Variants in CD248 observed in about 807,000 individuals in gnomAD.
CD248 encodes CD248 molecule.
CD248 carries 7 observed loss-of-function variants against 8.0 expected under a neutral mutation model. The ratio of observed to expected loss-of-function variants is 0.88; its 90% confidence interval spans 0.50 to 1.64. The LOEUF (loss-of-function observed/expected upper bound fraction) is 1.64. CD248 is among the 40% of genes most tolerant of loss of function. The pLI, the probability that CD248 is intolerant of heterozygous loss-of-function variation, is 0.00. For missense variants in CD248, 912 were observed against 1,027.2 expected (o/e 0.89, Z 1.53); for synonymous variants, 418 against 437.1 (o/e 0.96, Z 0.54).
rs151292327 is a variant in CD248 at position 66,316,655 on chromosome 11, G to A, written c.373C>T (p.Pro125Ser). 5 of 1,605,658 alleles carry A rather than the reference G, an allele frequency of 3.1e-6. No individual in the cohort carries two copies. In the African/African-American group the frequency reaches 6.7e-5, roughly 21 times the overall value. The change falls in exon 1 of 1, where the codon CCC becomes TCC. Residue 125 changes from proline (P) to serine (S), a missense_variant. By Grantham distance (74) the Pro-to-Ser change is moderately conservative. Coordinates refer to ENST00000311330, the MANE Select transcript of CD248 (RefSeq NM_020404.3). ...TNWAQPASGG[P>S]CPAQRCVALE... is the part of the protein sequence containing the mutation. ...GCCACACAGCGCTGGGCCGGGCAGG[G>A]GCCTCCAGAGGCTGGCTGGGCCCAG...
rs768029948 is a variant in CD248, at chr11:66,315,732, C to T, written c.1296G>A (p.Pro432=). 1.4e-5 allele frequency: 22 copies of T among 1,610,038 alleles called. No individual in the cohort carries two copies. Among genetic ancestry groups the T allele is most frequent in the Admixed American group, 5.0e-5 (3 of 59,880 alleles). Residue 432 remains proline (P), a synonymous_variant, in exon 1 of 1, where the codon CCG becomes CCA. Coordinates refer to ENST00000311330, the MANE Select transcript of CD248 (RefSeq NM_020404.3). The surrounding 1 kb of genome is among the most constrained non-coding windows in gnomAD (Gnocchi z 4.3). ...IPYPEPTWPP[P]LSAPRVPYHS... ...GGTAGGGGACCCTGGGGGCACTGAGCGGGGGTGGCCAGGTGGGCTCCGGGT... is the reference window on the plus strand; with the variant it reads ...GGTAGGGGACCCTGGGGGCACTGAGTGGGGGTGGCCAGGTGGGCTCCGGGT...
In CD248 at chr11:66,314,741, G is replaced by C. The variant is rs949201887; in HGVS notation, c.*13C>G. The C allele has an allele frequency of 1.3e-6, 2 of 1,544,202 alleles. No homozygotes were observed. Among genetic ancestry groups the C allele is most frequent in the African/African-American group, 1.4e-5 (1 of 73,026 alleles). ...CCAGCGCCCCATACTCCATGAGGGG[G>C]GTCTGCACCCCATCACACGCTGGTT... On this transcript the variant is annotated 3_prime_UTR_variant, in exon 1 of 1. Transcript: ENST00000311330. The surrounding 1 kb of genome is among the most constrained non-coding windows in gnomAD (Gnocchi z 4.0).
chr11:66,315,845 T>C lies in CD248; in HGVS notation c.1183A>G (p.Ile395Val), dbSNP rs1854540930. ...FNGGWTEMPG[I>V]LWMEPTQPPD... The stretch of plus-strand genomic sequence containing the variant: ...GGCTGCGTAGGCTCCATCCACAGGA[T>C]CCCAGGCATCTCCGTCCAGCCACCG... The change falls in exon 1 of 1, where the codon ATC becomes GTC. Residue 395 changes from isoleucine (I) to valine (V), a missense_variant. Around this residue, in one of 3 missense-constraint regions of CD248, gnomAD observed 507 missense variants for 562.2 expected, o/e 0.90. Transcript: ENST00000311330. This position sits in a 1 kb window ranked among gnomAD's most constrained non-coding sequence, Gnocchi z 4.3. 6.2e-7 allele frequency: 1 copy of C among 1,613,930 alleles called. No homozygotes were observed. The highest frequency in any genetic ancestry group is 8.5e-7 in the Non-Finnish European group (1 of 1,179,958).
Position 66,316,871 on chromosome 11 carries a change from C to T in CD248, c.157G>A (p.Glu53Lys), listed in dbSNP as rs769023822. Residue 53 changes from glutamate (E) to lysine (K), a missense_variant, in exon 1 of 1, where the codon GAG becomes AAG. Physicochemically the swap from Glu to Lys is moderately conservative, Grantham distance 56. This residue lies in a region of CD248 where 403 missense variants were observed against 446.2 expected (regional missense o/e 0.90). Coordinates refer to ENST00000311330, the MANE Select transcript of CD248 (RefSeq NM_020404.3). ...GGAGTGGCCAGGTCGCCCCCCAGCT[C>T]GCGGCAGGCCCGCCAGGCCTCCAGG... The part of the protein sequence containing the change: ...TFLEAWRACR[E>K]LGGDLATPRT... 2.0e-5 allele frequency: 31 copies of T among 1,546,446 alleles called. No individual in the cohort carries two copies. The South Asian group carries it at 2.5e-4, about 12-fold the overall frequency.
Position 66,315,143 on chromosome 11 carries a change from G to T in CD248, c.1885C>A (p.Gln629Lys). Residue 629 changes from glutamine to lysine, a missense_variant, in exon 1 of 1, where the codon CAG becomes AAG. By Grantham distance (53) the Gln-to-Lys change is moderately conservative. Around this residue, in one of 3 missense-constraint regions of CD248, gnomAD observed 507 missense variants for 562.2 expected, o/e 0.90. Coordinates refer to ENST00000311330, the MANE Select transcript of CD248 (RefSeq NM_020404.3). The surrounding 1 kb of genome is among the most constrained non-coding windows in gnomAD (Gnocchi z 4.3). ...TLLPSQSPTNQTSPISPTHPH... is the reference protein window; with the variant it reads ...TLLPSQSPTNKTSPISPTHPH... ...TGTGTAGGGCTGATGGGTGAGGTCT[G>T]GTTAGTGGGGCTCTGAGAGGGCAGG... The T allele has an allele frequency of 3.9e-6, 6 of 1,532,892 alleles. No individual in the cohort carries two copies. Among genetic ancestry groups the T allele is most frequent in the Non-Finnish European group, 5.3e-6 (6 of 1,141,478 alleles). 95.0% of individuals were successfully genotyped at this position (1,532,892 alleles called of 1,614,324 possible).
Position 66,315,276 on chromosome 11 carries a change from A to T in CD248, c.1752T>A (p.Ile584=), listed in dbSNP as rs748468011. Reference sequence around the variant, plus strand: ...TCAGAGAGGGCTGGGCAGTTGGGATAATGGGAAGCTGGGTGGCCTGGGTTC... The same window carrying T: ...TCAGAGAGGGCTGGGCAGTTGGGATTATGGGAAGCTGGGTGGCCTGGGTTC... The part of the protein sequence containing the change: ...VLRTQATQLP[I]IPTAQPSLTT... Residue 584 remains isoleucine (I), a synonymous_variant, in exon 1 of 1, where the codon ATT becomes ATA. Coordinates refer to ENST00000311330, the MANE Select transcript of CD248 (RefSeq NM_020404.3). This position sits in a 1 kb window ranked among gnomAD's most constrained non-coding sequence, Gnocchi z 4.3. 1 of 1,540,580 alleles carries T rather than the reference A, an allele frequency of 6.5e-7. No individual in the cohort carries two copies. Among genetic ancestry groups the T allele is most frequent in the Admixed American group, 2.0e-5 (1 of 50,008 alleles).
Position 66,316,501 on chromosome 11 carries a change from G to A in CD248, c.527C>T (p.Pro176Leu). The A allele has an allele frequency of 6.3e-7, 1 of 1,596,616 alleles. No homozygotes were observed. The highest frequency in any genetic ancestry group is 8.5e-7 in the Non-Finnish European group (1 of 1,178,584). The change falls in exon 1 of 1, where the codon CCA (proline) becomes CTA (leucine). Residue 176 changes from proline (P) to leucine (L), a missense_variant. Pro to Leu is a moderately conservative substitution (Grantham distance 98, BLOSUM62 -3). Coordinates refer to ENST00000311330, the MANE Select transcript of CD248 (RefSeq NM_020404.3). ...ALQDEAGQAG[P>L]AVYTTPFHLV... ...GTGGAAGGGCGTGGTATACACGGCT[G>A]GGCCGGCCTGGCCCGCCTCATCTTG...
rs375088730 is a variant in CD248 at position 66,316,614 on chromosome 11, G to A, written c.414C>T (p.Gly138=). Residue 138 remains glycine, a synonymous_variant, in exon 1 of 1, where the codon GGC becomes GGT. Coordinates refer to ENST00000311330, the MANE Select transcript of CD248 (RefSeq NM_020404.3). ...AQRCVALEAS[G]EHRWLEGSCT... The stretch of plus-strand genomic sequence containing the variant: ...ACGAGCCCTCCAGCCAGCGGTGCTC[G>A]CCACTTGCCTCCAGGGCCACACAGC... 2.3e-5 allele frequency: 37 copies of A among 1,602,234 alleles called. No homozygotes were observed. The African/African-American group carries it at 3.5e-4, about 15-fold the overall frequency.
rs745980622 is a variant in CD248, at chr11:66,316,260, G to A, written c.768C>T (p.Cys256=). 3 of 1,613,534 alleles carry A rather than the reference G, an allele frequency of 1.9e-6. No homozygotes were observed. The East Asian group carries it at 6.7e-5, about 36-fold the overall frequency. The part of the protein sequence containing the change: ...CVEEVDGHVS[C]RCTEGFRLAA... The stretch of plus-strand genomic sequence containing the variant: ...CCAGCCGGAAGCCCTCAGTGCAGCG[G>A]CAGGACACGTGACCATCCACCTCCT... Residue 256 remains cysteine (C), a synonymous_variant, in exon 1 of 1, where the codon TGC becomes TGT. Transcript: ENST00000311330.
chr11:66,315,576 C>T lies in CD248; in HGVS notation c.1452G>A (p.Val484=), dbSNP rs969845542. 1 of 1,613,902 alleles carries T rather than the reference C, an allele frequency of 6.2e-7. No homozygotes were observed. Among genetic ancestry groups the T allele is most frequent in the Admixed American group, 1.7e-5 (1 of 60,010 alleles). The part of the protein sequence containing the change: ...PALSRDHQIP[V]IAANYPDLPS... ...GCAGATCTGGATAGTTGGCTGCGATCACGGGGATCTGGTGGTCACGGGACA... is the reference window on the plus strand; with the variant it reads ...GCAGATCTGGATAGTTGGCTGCGATTACGGGGATCTGGTGGTCACGGGACA... Residue 484 remains valine, a synonymous_variant, in exon 1 of 1, where the codon GTG becomes GTA. Coordinates refer to ENST00000311330, the MANE Select transcript of CD248 (RefSeq NM_020404.3). The surrounding 1 kb of genome is among the most constrained non-coding windows in gnomAD (Gnocchi z 4.3).
At position 66,316,327 on chromosome 11, in the gene CD248, C is replaced by T; in HGVS notation, c.701G>A (p.Gly234Asp). 6.2e-7 allele frequency: 1 copy of T among 1,612,928 alleles called. No individual in the cohort carries two copies. Among genetic ancestry groups the T allele is most frequent in the Non-Finnish European group, 8.5e-7 (1 of 1,179,760 alleles). The change falls in exon 1 of 1, where the codon GGC becomes GAC. Residue 234 changes from glycine to aspartate, a missense_variant. Physicochemically the swap from Gly to Asp is moderately conservative, Grantham distance 94. Transcript: ENST00000311330. ...GCAGCCCCCGTTGTCAGGGCTGCAG[C>T]CAGTCCCCAGGCACAGGGGCCCAGC... Reference protein sequence around the residue: ...SRAGPLCLGTGCSPDNGGCEH... With the variant: ...SRAGPLCLGTDCSPDNGGCEH...
In CD248 at chr11:66,315,088, C is replaced by A; in HGVS notation, c.1940G>T (p.Arg647Met). ...HPHSKAPQIPREDGPSPKLAL... is the reference protein window; with the variant it reads ...HPHSKAPQIPMEDGPSPKLAL... ...CAACTTGGGACTGGGGCCATCTTCC[C>A]TTGGGATTTGGGGGGCTTTGGAATG... is the stretch of plus-strand genomic sequence containing the variant. The change falls in exon 1 of 1, where the codon AGG becomes ATG. Residue 647 changes from arginine to methionine, a missense_variant. Arg to Met is a moderately conservative substitution (Grantham distance 91). Transcript: ENST00000311330. The surrounding 1 kb of genome is among the most constrained non-coding windows in gnomAD (Gnocchi z 4.3). The A allele has an allele frequency of 6.4e-7, 1 of 1,561,460 alleles. No homozygotes were observed. The highest frequency in any genetic ancestry group is 8.7e-7 in the Non-Finnish European group (1 of 1,152,748).
Position 66,314,779 on chromosome 11 carries a change from A to G in CD248, c.2249T>C (p.Val750Ala), listed in dbSNP as rs749032275. Residue 750 changes from valine (V) to alanine (A), a missense_variant, in exon 1 of 1, where the codon GTG becomes GCG. Val to Ala is a moderately conservative substitution (Grantham distance 64). Coordinates refer to ENST00000311330, the MANE Select transcript of CD248 (RefSeq NM_020404.3). This position sits in a 1 kb window ranked among gnomAD's most constrained non-coding sequence, Gnocchi z 4.0. ...TCACACGCTGGTTCTGCAGGTCTGCACCCCTGTGAGGCTGCCCCTGGGGGG... is the reference window on the plus strand; with the variant it reads ...TCACACGCTGGTTCTGCAGGTCTGCGCCCCTGTGAGGCTGCCCCTGGGGGG... ...PMPPRGSLTG[V>A]QTCRTSV is the part of the protein sequence containing the mutation. 1 of 1,552,418 alleles carries G rather than the reference A, an allele frequency of 6.4e-7. No individual in the cohort carries two copies. The highest frequency in any genetic ancestry group is 8.7e-7 in the Non-Finnish European group (1 of 1,148,218).
Position 66,316,292 on chromosome 11 carries a change from A to G in CD248, c.736T>C (p.Cys246Arg). 1 of 1,613,092 alleles carries G rather than the reference A, an allele frequency of 6.2e-7. No individual in the cohort carries two copies. The highest frequency in any genetic ancestry group is 8.5e-7 in the Non-Finnish European group (1 of 1,179,728). Residue 246 changes from cysteine (C) to arginine (R), a missense_variant, in exon 1 of 1, where the codon TGT becomes CGT. This residue lies in a region of CD248 where 403 missense variants were observed against 446.2 expected (regional missense o/e 0.90). Transcript: ENST00000311330. ...SPDNGGCEHECVEEVDGHVSC... is the reference protein window; with the variant it reads ...SPDNGGCEHERVEEVDGHVSC... ...ACGTGACCATCCACCTCCTCCACAC[A>G]TTCGTGTTCGCAGCCCCCGTTGTCA... is the stretch of plus-strand genomic sequence containing the variant.
rs998289490 is a variant in CD248, at chr11:66,314,675, G to T, written c.*79C>A. Reference sequence around the variant, plus strand: ...GAGCAGGAAGCCATCTGTCCAGCTGGGCAGCCCCCATGGGTCCCTGGTGCA... The same window carrying T: ...GAGCAGGAAGCCATCTGTCCAGCTGTGCAGCCCCCATGGGTCCCTGGTGCA... On this transcript the variant is annotated 3_prime_UTR_variant, in exon 1 of 1. Coordinates refer to ENST00000311330, the MANE Select transcript of CD248 (RefSeq NM_020404.3). The surrounding 1 kb of genome is among the most constrained non-coding windows in gnomAD (Gnocchi z 4.0). 15 of 1,253,054 alleles carry T rather than the reference G, an allele frequency of 1.2e-5. No individual in the cohort carries two copies. Among genetic ancestry groups the T allele is most frequent in the Non-Finnish European group, 1.7e-5 (15 of 907,614 alleles). The allele number at this position is 1,253,054 out of a possible 1,614,324, so 77.6% of individuals were successfully genotyped here. A position where few individuals can be genotyped will look rare whatever the true frequency, so the allele number is the denominator to read the frequency against.
In CD248 at chr11:66,316,849, G is replaced by C. The variant is rs746208789; in HGVS notation, c.179C>G (p.Thr60Ser). The change falls in exon 1 of 1, where the codon ACT becomes AGT. Residue 60 changes from threonine to serine, a missense_variant. Physicochemically the swap from Thr to Ser is moderately conservative, Grantham distance 58. Coordinates refer to ENST00000311330, the MANE Select transcript of CD248 (RefSeq NM_020404.3). ...CTGGGCCTCCTCGGGGGTCCGAGGA[G>C]TGGCCAGGTCGCCCCCCAGCTCGCG... Reference protein sequence around the residue: ...ACRELGGDLATPRTPEEAQRV... With the variant: ...ACRELGGDLASPRTPEEAQRV... 1 of 1,556,556 alleles carries C rather than the reference G, an allele frequency of 6.4e-7. No individual in the cohort carries two copies. The highest frequency in any genetic ancestry group is 2.3e-5 in the East Asian group (1 of 43,080).
rs1232871874 is a variant in CD248, at chr11:66,314,952, C to T, written c.2076G>A (p.Leu692=). 1 of 1,613,360 alleles carries T rather than the reference C, an allele frequency of 6.2e-7. No homozygotes were observed. Among genetic ancestry groups the T allele is most frequent in the Non-Finnish European group, 8.5e-7 (1 of 1,179,954 alleles). ...RDDRWLLVAL[L]VPTCVFLVVL... ...CCACCAAAAAGACACACGTTGGCAC[C>T]AGGAGTGCCACCAGCAGCCACCGGT... is the stretch of plus-strand genomic sequence containing the variant. The change falls in exon 1 of 1, where the codon CTG becomes CTA. Residue 692 remains leucine (L), a synonymous_variant. Coordinates refer to ENST00000311330, the MANE Select transcript of CD248 (RefSeq NM_020404.3). The surrounding 1 kb of genome is among the most constrained non-coding windows in gnomAD (Gnocchi z 4.0).
Position 66,315,774 on chromosome 11 carries a change from T to C in CD248, c.1254A>G (p.Arg418=), listed in dbSNP as rs1417131320. 11 of 1,612,972 alleles carry C rather than the reference T, an allele frequency of 6.8e-6. No individual in the cohort carries two copies. Among genetic ancestry groups the C allele is most frequent in the Non-Finnish European group, 8.5e-6 (10 of 1,179,358 alleles). The change falls in exon 1 of 1, where the codon AGA becomes AGG. Residue 418 remains arginine (R), a synonymous_variant. Coordinates refer to ENST00000311330, the MANE Select transcript of CD248 (RefSeq NM_020404.3). This position sits in a 1 kb window ranked among gnomAD's most constrained non-coding sequence, Gnocchi z 4.3. ...LAYRPSFPED[R]EPQIPYPEPT... ...GCTCCGGGTAGGGTATCTGTGGCTC[T>C]CTGTCCTCTGGGAAGCTCGGTCTAT...
At position 66,315,153 on chromosome 11, in the gene CD248, G is replaced by T. The variant is rs770987585; in HGVS notation, c.1875C>A (p.Ser625Arg). ...TGATGGGTGAGGTCTGGTTAGTGGGGCTCTGAGAGGGCAGGAGGGTGGGGA... is the reference window on the plus strand; with the variant it reads ...TGATGGGTGAGGTCTGGTTAGTGGGTCTCTGAGAGGGCAGGAGGGTGGGGA... ...AALPTLLPSQ[S>R]PTNQTSPISP... Residue 625 changes from serine (S) to arginine (R), a missense_variant, in exon 1 of 1, where the codon AGC (serine) becomes AGA (arginine). By Grantham distance (110) the Ser-to-Arg change is moderately radical. This residue lies in a region of CD248 where 507 missense variants were observed against 562.2 expected (regional missense o/e 0.90). Coordinates refer to ENST00000311330, the MANE Select transcript of CD248 (RefSeq NM_020404.3). This position sits in a 1 kb window ranked among gnomAD's most constrained non-coding sequence, Gnocchi z 4.3. 6.5e-7 allele frequency: 1 copy of T among 1,529,404 alleles called. No homozygotes were observed. 94.7% of individuals were successfully genotyped at this position (1,529,404 alleles called of 1,614,324 possible). A position where few individuals can be genotyped will look rare whatever the true frequency, so the allele number is the denominator to read the frequency against.
Sources: allele counts gnomAD v4.1 joint callset, GRCh38; gene constraint gnomAD v4.1.1; regional missense constraint gnomAD v4.1.1; non-coding constraint Gnocchi (gnomAD v3.1); transcripts MANE v1.5; gene names NCBI Gene and HGNC (gene_info 2026-07-23, HGNC 2026-07-21).